The following CNNM1 variants were observed in gnomAD, a reference collection of about 807,000 sequenced individuals.
CNNM1 encodes the protein cyclin and CBS domain divalent metal cation transport mediator 1.
In CNNM1, 44 loss-of-function variants were observed where a neutral mutation model predicts 78.8. The observed-to-expected ratio is 0.56, with a 90% CI of 0.44 to 0.72. The LOEUF (loss-of-function observed/expected upper bound fraction) is 0.72. Ranked by LOEUF, CNNM1 falls within the 30% of genes least tolerant of loss-of-function variation. The probability of loss-of-function intolerance (pLI) is 0.00; values close to 1 mark genes in which losing one functional copy is unlikely to be tolerated. For synonymous variants in CNNM1, 584 were observed against 581.5 expected, an observed-to-expected ratio of 1.00 and a Z score of -0.06; for missense variants, 1,101 against 1,292.2, an observed-to-expected ratio of 0.85 and a Z score of 2.27.
chr10:99,334,501 A>G (rs913479511), intron 1 of CNNM1, among the ~76,000 whole-genome samples: 14 of 152,186 alleles, frequency 9.2e-5, no homozygotes, highest in African/African-American at 3.4e-4. Flanking sequence ...AAAAATACAA[A>G]AATTAGCCAG....
At chr10:99,382,917 T>C (rs569534173) in intron 7 of CNNM1, among the ~76,000 whole-genome samples, 1 of 152,220 alleles carries the variant, frequency 6.6e-6, no homozygotes, top group Admixed American at 6.5e-5. Context: ...TAGTGGGTGA[T>C]TGGATTCTAA....
intron 1 of CNNM1, among the ~76,000 whole-genome samples, chr10:99,356,491 AGAG>A (rs2031154211): frequency 1.2e-4 from 1 of 8,658 alleles, no homozygotes; most frequent in African/African-American, 2.6e-4. Flanking sequence ...AAAGAAAGAG[AGAG>A]AGAGAGAGAG....
chr10:99,362,769 G>A (rs202114806), intron 4 of CNNM1, among the ~76,000 whole-genome samples: 1 of 152,208 alleles, frequency 6.6e-6, no homozygotes, highest in East Asian at 1.9e-4. Flanking sequence ...CTAAACTTTA[G>A]ACAACTCTTC....
chr10:99,347,755 T>C (rs1001001266), intron 1 of CNNM1, among the ~76,000 whole-genome samples: 11 of 152,086 alleles, frequency 7.2e-5, no homozygotes, highest in Non-Finnish European at 1.0e-4. Flanking sequence ...AGCCACCGCA[T>C]TGGCCTCCTT....
At position 99,329,945 on chromosome 10, in the gene CNNM1, C is replaced by T. The variant is rs1340613924; in HGVS notation, c.558C>T (p.Leu186=). The T allele has an allele frequency of 2.2e-5, 30 of 1,386,078 alleles. No individual in the cohort carries two copies. Among genetic ancestry groups the T allele is most frequent in the Non-Finnish European group, 2.7e-5 (29 of 1,080,636 alleles). 85.9% of individuals were successfully genotyped at this position (1,386,078 alleles called of 1,614,324 possible). A position where few individuals can be genotyped will look rare whatever the true frequency, so the allele number is the denominator to read the frequency against. Residue 186 remains leucine, a synonymous_variant, in exon 1 of 11, where the codon CTC becomes CTT. Coordinates refer to ENST00000356713, the MANE Select transcript of CNNM1 (RefSeq NM_020348.3). ...GCGGTGGCGGGAAGCTCTTTTCACT[C>T]TGCGCCTGGGATGGGCGCGCGTGGC... ...GAGGGGKLFS[L]CAWDGRAWHH...
At chr10:99,370,120 A>G (rs1338493974) in intron 6 of CNNM1, among the ~76,000 whole-genome samples, 1 of 152,110 alleles carries the variant, frequency 6.6e-6, no homozygotes, top group African/African-American at 2.4e-5. Flanking sequence ...GTCCATGATA[A>G]CCCAATGTCA....
intron 2 of CNNM1, among the ~76,000 whole-genome samples, chr10:99,358,795 T>C (rs1391023053): frequency 6.6e-6 from 1 of 152,108 alleles, no homozygotes; most frequent in South Asian, 2.1e-4. Context: ...TTTAGAATTC[T>C]CAGGTGTAGC....
intron 2 of CNNM1, among the ~76,000 whole-genome samples, chr10:99,359,250 G>A (rs960239509): frequency 6.6e-6 from 1 of 151,660 alleles, no homozygotes; most frequent in Non-Finnish European, 1.5e-5. Context: ...GGGGAGAGGG[G>A]GGCTATTTAG....
At chr10:99,376,680 C>T (rs1231810111) in intron 6 of CNNM1, among the ~76,000 whole-genome samples, 2 of 152,160 alleles carry the variant, frequency 1.3e-5, no homozygotes, top group Non-Finnish European at 2.9e-5. Flanking sequence ...GTTCGGGGTC[C>T]TTGTGCACCT....
Position 99,393,042 on chromosome 10 carries a change from A to G in CNNM1, c.*1526A>G, listed in dbSNP as rs2032520991. On this transcript the variant is annotated 3_prime_UTR_variant, in exon 11 of 11. Coordinates refer to ENST00000356713, the MANE Select transcript of CNNM1 (RefSeq NM_020348.3). ...CAGCCTTAGGGAAAACTTGGAAGTA[A>G]GTGAAATTTGTCTTCAGAATAACTA... 6.6e-6 allele frequency: 1 copy of G among 152,180 alleles called. No homozygotes were observed. Among genetic ancestry groups the G allele is most frequent in the Non-Finnish European group, 1.5e-5 (1 of 68,072 alleles). 9.4% of individuals were successfully genotyped at this position (152,180 alleles called of 1,614,324 possible). A position where few individuals can be genotyped will look rare whatever the true frequency, so the allele number is the denominator to read the frequency against.
intron 6 of CNNM1, among the ~76,000 whole-genome samples, chr10:99,370,153 TCCTGCTGTG>T (rs2031752657): frequency 1.3e-5 from 2 of 152,176 alleles, no homozygotes; most frequent in South Asian, 4.1e-4. Flanking sequence ...AGTGATTCCC[TCCTGCTGTG>T]CAGAACCCCC....
rs747475562 is a variant in CNNM1, at chr10:99,330,172, C to T, written c.785C>T (p.Ser262Leu). Residue 262 changes from serine to leucine, a missense_variant, in exon 1 of 11, where the codon TCG (serine) becomes TTG (leucine). This residue lies in a region of CNNM1 where 476 missense variants were observed against 484.5 expected (regional missense o/e 0.98). Coordinates refer to ENST00000356713, the MANE Select transcript of CNNM1 (RefSeq NM_020348.3). ...TTACGGGTGCTGCGGAACAGCGGCT[C>T]GGCCGCCGAGCAGGAGCAGGCGCGC... ...VELRVLRNSG[S>L]AAEQEQARRV... 9.2e-6 allele frequency: 14 copies of T among 1,521,826 alleles called. No individual in the cohort carries two copies. The highest frequency in any genetic ancestry group is 1.2e-5 in the Non-Finnish European group (14 of 1,140,042). 94.3% of individuals were successfully genotyped at this position (1,521,826 alleles called of 1,614,324 possible). A position where few individuals can be genotyped will look rare whatever the true frequency, so the allele number is the denominator to read the frequency against.
intron 2 of CNNM1, among the ~76,000 whole-genome samples, chr10:99,357,934 G>A (rs1390530611): frequency 6.6e-6 from 1 of 152,128 alleles, no homozygotes; most frequent in Non-Finnish European, 1.5e-5. Context: ...ATAGAAACGG[G>A]ACTACAGGAA....
chr10:99,383,474 A>G (rs1162201258), intron 7 of CNNM1, among the ~76,000 whole-genome samples: 1 of 152,122 alleles, frequency 6.6e-6, no homozygotes, highest in Non-Finnish European at 1.5e-5. Context: ...AGGTTTCACC[A>G]TGTTGGTCAG....
intron 1 of CNNM1, among the ~76,000 whole-genome samples, chr10:99,345,169 C>A (rs905839260): frequency 1.3e-5 from 2 of 152,140 alleles, no homozygotes; most frequent in African/African-American, 2.4e-5. Context: ...AATAACAACC[C>A]CCCTTTTGCA....
chr10:99,388,484 G>A (rs1218568499), intron 9 of CNNM1, among the ~76,000 whole-genome samples, 183 bp downstream of exon 9: 1 of 152,234 alleles, frequency 6.6e-6, no homozygotes, highest in Non-Finnish European at 1.5e-5. Flanking sequence ...ATCAGGCCCT[G>A]TCTGATTCAT....
intron 1 of CNNM1, among the ~76,000 whole-genome samples, chr10:99,356,153 C>G (rs931985384): frequency 2.0e-5 from 3 of 152,132 alleles, no homozygotes; most frequent in Non-Finnish European, 2.9e-5. Context: ...CAGCTGGGAG[C>G]TGCTTGAAAG....
intron 6 of CNNM1, 85 bp from the exon 7 acceptor site, chr10:99,376,970 T>TCCCTCCTTCCCTGTCTCC: frequency 1.6e-6 from 2 of 1,284,758 alleles, no homozygotes; most frequent in Middle Eastern, 2.1e-4. Flanking sequence ...CACCTGTCTC[T>TCCCTCCTTCCCTGTCTCC]CCCTCCTTCC....
intron 1 of CNNM1, among the ~76,000 whole-genome samples, chr10:99,351,460 G>T (rs2030944832): frequency 5.9e-5 from 9 of 152,180 alleles, no homozygotes; most frequent in Admixed American, 5.9e-4. Flanking sequence ...TTAGATACAA[G>T]CATTTGCCCA....
Sources: gnomAD v4.1 joint callset for allele counts (sites outside exome capture counted in the v4.1 genomes callset) on GRCh38, gnomAD v4.1.1 for gene constraint, gnomAD v4.1.1 regional missense constraint, MANE v1.5 for transcripts, NCBI Gene and HGNC (gene_info 2026-07-23, HGNC 2026-07-21) for gene names.